The following MCMDC2 variants were observed in gnomAD, a reference collection of about 807,000 sequenced individuals.
MCMDC2 encodes the protein minichromosome maintenance domain containing 2, also known as minichromosome maintenance domain-containing protein 2.
Under a neutral mutation model 75.8 loss-of-function variants are expected in MCMDC2, and 54 were observed. The observed-to-expected ratio is 0.71, with a 90% CI of 0.57 to 0.89. MCMDC2 has a LOEUF of 0.89. MCMDC2 is among the 40% of genes least tolerant of loss of function. The pLI is 0.00. For synonymous variants in MCMDC2, 249 were observed against 274.6 expected, an observed-to-expected ratio of 0.91 and a Z score of 0.92; for missense variants, 656 against 780.4, an observed-to-expected ratio of 0.84 and a Z score of 1.90.
rs369758604 is a variant in MCMDC2, at chr8:66,883,856, A to T, written c.935A>T (p.Gln312Leu). 6.2e-6 allele frequency: 10 copies of T among 1,613,898 alleles called. No individual in the cohort carries two copies. In the African/African-American group the frequency reaches 1.2e-4, roughly 19 times the overall value. Residue 312 changes from glutamine to leucine, a missense_variant, in exon 9 of 15, where the codon CAA becomes CTA. Gln to Leu is a moderately radical substitution (Grantham distance 113). Coordinates refer to ENST00000422365, the MANE Select transcript of MCMDC2 (RefSeq NM_173518.5). ...TAILANIFAS[Q>L]ITPPGTYNLL... is the part of the protein sequence containing the mutation. ...ATACTTGCCAATATCTTTGCATCAC[A>T]AATTACCCCTCCTGGGACTTACAAT...
At chr8:66,887,832 T>C (rs1468457858) in intron 9 of MCMDC2, among the ~76,000 whole-genome samples, 2 of 152,170 alleles carry the variant, frequency 1.3e-5, no homozygotes, top group Non-Finnish European at 2.9e-5. Flanking sequence ...CATTAAATTG[T>C]TTTGATACCA....
intron 10 of MCMDC2, 60 bp downstream of exon 10, chr8:66,891,130 A>AGTATCTCAACATG: frequency 2.2e-6 from 3 of 1,364,304 alleles, no homozygotes; most frequent in Non-Finnish European, 3.0e-6. Flanking sequence ...ATCCATGTTG[A>AGTATCTCAACATG]GATACTTAAC....
chr8:66,896,487 TG>T (rs1251869537), intron 11 of MCMDC2, 151 bp downstream of exon 11: 1 of 766,692 alleles, frequency 1.3e-6, no homozygotes, highest in Non-Finnish European at 1.9e-6. Flanking sequence ...AAAATTGTAA[TG>T]TTTTTTAACC....
intron 5 of MCMDC2, 95 bp from the exon 6 acceptor site, chr8:66,878,479 T>C: frequency 2.5e-6 from 3 of 1,202,028 alleles, no homozygotes; most frequent in South Asian, 1.6e-5. Context: ...AAAAAGAAAA[T>C]ATAAAATTAA....
chr8:66,887,479 G>C (rs1811899460), intron 9 of MCMDC2, among the ~76,000 whole-genome samples: 2 of 152,138 alleles, frequency 1.3e-5, no homozygotes, highest in South Asian at 4.1e-4. Flanking sequence ...TTGAACCTGG[G>C]AGGCGGAGGT....
downstream of MCMDC2, among the ~76,000 whole-genome samples, chr8:66,923,996 G>T (rs1039371792): frequency 2.0e-5 from 3 of 151,956 alleles, no homozygotes; most frequent in Non-Finnish European, 4.4e-5. Context: ...CCTATGAATA[G>T]GAAGCAGGGA....
At chr8:66,886,666 T>C (rs1013572158) in intron 9 of MCMDC2, among the ~76,000 whole-genome samples, 3 of 151,956 alleles carry the variant, frequency 2.0e-5, no homozygotes, top group African/African-American at 7.3e-5. Flanking sequence ...CCAGCTACAC[T>C]TGGGAAGCTG....
intron 10 of MCMDC2, among the ~76,000 whole-genome samples, chr8:66,891,279 T>G (rs1812095375): frequency 6.6e-6 from 1 of 152,210 alleles, no homozygotes; most frequent in African/African-American, 2.4e-5. Flanking sequence ...TGCTAACACA[T>G]GAGCTTGTAA....
intron 14 of MCMDC2, among the ~76,000 whole-genome samples, chr8:66,905,795 A>G (rs1272564542): frequency 6.6e-6 from 1 of 152,134 alleles, no homozygotes; most frequent in Admixed American, 6.5e-5. Context: ...TCACAAGGTC[A>G]GGAGATCAAG....
chr8:66,920,787 C>T lies in MCMDC2; in HGVS notation c.*1618C>T, dbSNP rs1813496787. ...TTGACCTTGCAAGTAATTCTCCCAC[C>T]TTAGGCCTCCGAGTAGCTGGGACTA... On this transcript the variant is annotated 3_prime_UTR_variant, in exon 15 of 15. Transcript: ENST00000422365. 6.6e-6 allele frequency: 1 copy of T among 152,104 alleles called. No homozygotes were observed. The highest frequency in any genetic ancestry group is 2.4e-5 in the African/African-American group (1 of 41,410). 9.4% of individuals were successfully genotyped at this position (152,104 alleles called of 1,614,324 possible).
Position 66,921,651 on chromosome 8 carries a change from G to C in MCMDC2, c.*2482G>C, listed in dbSNP as rs1001045797. The C allele has an allele frequency of 2.6e-5, 4 of 152,150 alleles. No individual in the cohort carries two copies. Among genetic ancestry groups the C allele is most frequent in the Non-Finnish European group, 5.9e-5 (4 of 68,044 alleles). 9.4% of individuals were successfully genotyped at this position (152,150 alleles called of 1,614,324 possible). On this transcript the variant is annotated 3_prime_UTR_variant, in exon 15 of 15. Transcript: ENST00000422365. ...TTAGGATGACTTTTTTGTTCACAAA[G>C]ATGAAAGCAAACTGAATAAAAAAGG...
In MCMDC2 at chr8:66,917,133, CTA is replaced by C. The variant is rs561128574; in HGVS notation, c.1880-1868_1880-1867del. ...TAGGCTCTGACTGTGTCTTGTGACACTATGTATATGGGATGTTTGGGGAAAAA... is the reference window on the plus strand; with the variant it reads ...TAGGCTCTGACTGTGTCTTGTGACACTGTATATGGGATGTTTGGGGAAAAA... On this transcript the variant is annotated intron_variant, in intron 14 of 14. Transcript: ENST00000422365. Among the ~76,000 whole-genome samples, 112 of 152,112 alleles carry C rather than the reference CTA, an allele frequency of 7.4e-4. 1 individual carries two copies. Among genetic ancestry groups the C allele is most frequent in the African/African-American group, 2.5e-3 (103 of 41,486 alleles).
intron 2 of MCMDC2, 21 bp downstream of exon 2, chr8:66,874,255 T>C: frequency 6.2e-7 from 1 of 1,604,348 alleles, no homozygotes; most frequent in Non-Finnish European, 8.5e-7. Flanking sequence ...CAAAGGTGAG[T>C]TATTTTTAAA....
rs1812480288 is a variant in MCMDC2 at position 66,898,691 on chromosome 8, G to A, written c.1626+1732G>A. Among the ~76,000 whole-genome samples, 3 of 152,056 alleles carry A rather than the reference G, an allele frequency of 2.0e-5. No individual in the cohort carries two copies. In the South Asian group the frequency reaches 6.2e-4, roughly 32 times the overall value. On this transcript the variant is annotated intron_variant, in intron 12 of 14. Transcript: ENST00000422365. ...CAATTTAAGTGCTAAGCTAAGTGGTGCTGACTCAGGTATTTTAGGAATTCA... is the reference window on the plus strand; with the variant it reads ...CAATTTAAGTGCTAAGCTAAGTGGTACTGACTCAGGTATTTTAGGAATTCA...
At chr8:66,891,103 G>A (rs761364056) in intron 10 of MCMDC2, 33 bp downstream of exon 10, 57 of 1,532,794 alleles carry the variant, frequency 3.7e-5, no homozygotes, top group South Asian at 4.8e-5. Flanking sequence ...ATTTTCACCC[G>A]TTTAACCTAT....
chr8:66,909,074 G>C (rs1202847816), intron 14 of MCMDC2, among the ~76,000 whole-genome samples: 3 of 152,150 alleles, frequency 2.0e-5, no homozygotes, highest in African/African-American at 4.8e-5. Flanking sequence ...CTATTCTCAT[G>C]ATAGTGAGTG....
intron 8 of MCMDC2, among the ~76,000 whole-genome samples, chr8:66,882,608 C>T (rs568186146): frequency 6.6e-6 from 1 of 152,238 alleles, no homozygotes; most frequent in East Asian, 1.9e-4. Flanking sequence ...TCATGATCCG[C>T]CCACCTTGGC....
chr8:66,893,849 T>C (rs1472563752), intron 10 of MCMDC2, among the ~76,000 whole-genome samples: 1 of 119,766 alleles, frequency 8.3e-6, no homozygotes, highest in Non-Finnish European at 1.6e-5. Flanking sequence ...GAGGAGGGCC[T>C]CGGTACAACT....
chr8:66,878,803 C>A lies in MCMDC2; in HGVS notation c.605-12C>A. 1 of 1,557,674 alleles carries A rather than the reference C, an allele frequency of 6.4e-7. No homozygotes were observed. The highest frequency in any genetic ancestry group is 1.2e-5 in the South Asian group (1 of 83,274). On this transcript the variant is annotated splice_polypyrimidine_tract_variant and intron_variant, in intron 6 of 14. Coordinates refer to ENST00000422365, the MANE Select transcript of MCMDC2 (RefSeq NM_173518.5). ...TTCTAATATCTAATTATTTTTTGCTCTTTGCTTTAAGATAAACAAATAGTT... is the reference window on the plus strand; with the variant it reads ...TTCTAATATCTAATTATTTTTTGCTATTTGCTTTAAGATAAACAAATAGTT...
Sources: allele counts gnomAD v4.1 joint callset (sites outside exome capture counted in the v4.1 genomes callset), GRCh38; gene constraint gnomAD v4.1.1; transcripts MANE v1.5; gene names NCBI Gene and HGNC (gene_info 2026-07-23, HGNC 2026-07-21).